MXD3: variants seen among roughly 807,000 people sequenced by gnomAD.
MXD3 encodes MAX dimerization protein 3.
A neutral mutation model predicts 27.5 loss-of-function variants in MXD3; 20 were observed. The ratio of observed to expected loss-of-function variants is 0.73; its 90% CI spans 0.51 to 1.06. The LOEUF (loss-of-function observed/expected upper bound fraction) is 1.06, where lower values mean the gene tolerates loss of function less well. Ranked by LOEUF, MXD3 falls within the 50% of genes least tolerant of loss-of-function variation. The pLI, the probability that MXD3 is intolerant of heterozygous loss-of-function variation, is 0.00. For synonymous variants in MXD3, 150 were observed against 130.7 expected, an observed-to-expected ratio of 1.15 and a Z score of -1.01; for missense variants, 298 against 291.3, an observed-to-expected ratio of 1.02 and a Z score of -0.17.
At chr5:177,312,308 C>A, upstream of MXD3, 1 of 986,522 alleles carries the variant, frequency 1.0e-6, no homozygotes, top group Non-Finnish European at 1.2e-6. Context: ...GGCCTCCGGC[C>A]GCCGCTCGCC....
chr5:177,308,125 G>A, intron 4 of MXD3, 161 bp from the exon 5 acceptor site: 1 of 656,512 alleles, frequency 1.5e-6, no homozygotes, highest in Non-Finnish European at 2.5e-6. Flanking sequence ...ACATCCTCCA[G>A]AAAGCCAGCC....
intron 1 of MXD3, 93 bp downstream of exon 1, chr5:177,311,668 G>T: frequency 7.3e-7 from 1 of 1,374,450 alleles, no homozygotes; most frequent in South Asian, 1.3e-5. Context: ...TACTGTCCTA[G>T]GGCGGTGCAT....
chr5:177,307,668 C>T lies in MXD3; in HGVS notation c.541G>A (p.Gly181Arg). The change falls in exon 6 of 6, where the codon GGG becomes AGG. Residue 181 changes from glycine to arginine, a missense_variant. Coordinates refer to ENST00000439742, the MANE Select transcript of MXD3 (RefSeq NM_031300.4). Reference sequence around the variant, plus strand: ...CCCCGCAGCAGCTCGGCCTCACCCCCAAACACCAGGCTCTCCACATCCACC... The same window carrying T: ...CCCCGCAGCAGCTCGGCCTCACCCCTAAACACCAGGCTCTCCACATCCACC... ...LEVDVESLVF[G>R]GEAELLRGFV... 1 of 1,613,690 alleles carries T rather than the reference C, an allele frequency of 6.2e-7. No individual in the cohort carries two copies. The highest frequency in any genetic ancestry group is 8.5e-7 in the Non-Finnish European group (1 of 1,179,936).
At chr5:177,308,754 A>T (rs1167081389) in intron 4 of MXD3, among the ~76,000 whole-genome samples, 1 of 152,146 alleles carries the variant, frequency 6.6e-6, no homozygotes, top group South Asian at 2.1e-4. Context: ...GCTAATTTAA[A>T]TTTTTAGAAA....
downstream of MXD3, chr5:177,306,752 G>C: frequency 9.5e-7 from 1 of 1,053,650 alleles, no homozygotes; most frequent in African/African-American, 1.6e-5. Context: ...AGCCAGGTCT[G>C]CTTATTCTCC....
intron 4 of MXD3, chr5:177,308,183 G>A: frequency 1.8e-6 from 1 of 559,970 alleles, no homozygotes; most frequent in Non-Finnish European, 3.2e-6. Context: ...CTAGATTGGG[G>A]GTGGGGGGGC....
downstream of MXD3, chr5:177,306,935 T>C: frequency 1.1e-6 from 1 of 886,178 alleles, no homozygotes; most frequent in Non-Finnish European, 1.7e-6. Flanking sequence ...ACTCAATAAA[T>C]ACTTGTTGAA....
chr5:177,307,625 T>C lies in MXD3; in HGVS notation c.584A>G (p.Glu195Gly). ...ELLRGFVAGQ[E>G]HSYSHGGGAW... ...GCCGCCGCCGTGCGAGTAGCTGTGC[T>C]CCTGGCCGGCGACGAAGCCCCGCAG... Residue 195 changes from glutamate to glycine, a missense_variant, in exon 6 of 6, where the codon GAG becomes GGG. Transcript: ENST00000439742. 6.2e-7 allele frequency: 1 copy of C among 1,613,242 alleles called. No homozygotes were observed. The highest frequency in any genetic ancestry group is 8.5e-7 in the Non-Finnish European group (1 of 1,179,944).
chr5:177,307,895 G>A lies in MXD3; in HGVS notation c.391C>T (p.Gln131Ter), dbSNP rs754997135. The A allele has an allele frequency of 1.2e-6, 2 of 1,603,818 alleles. No homozygotes were observed. Among genetic ancestry groups the A allele is most frequent in the African/African-American group, 1.3e-5 (1 of 74,724 alleles). Residue 131 changes from glutamine (Q) to a stop codon, truncating the protein, a stop_gained, in exon 5 of 6, where the codon CAG (glutamine) becomes TAG (stop). Coordinates refer to ENST00000439742, the MANE Select transcript of MXD3 (RefSeq NM_031300.4). LOFTEE classifies it high-confidence loss of function. ...CCCCGGAGCTGCTCCAGCTGCCGCTGCAGGCTCTGCTGCTTGCTGCGCAGC... is the reference window on the plus strand; with the variant it reads ...CCCCGGAGCTGCTCCAGCTGCCGCTACAGGCTCTGCTGCTTGCTGCGCAGC... Reference protein sequence around the residue: ...ERLRSKQQSLQRQLEQLRGLA... With the variant: ...ERLRSKQQSL
upstream of MXD3, chr5:177,312,453 G>C: frequency 1.0e-6 from 1 of 985,552 alleles, no homozygotes; most frequent in Non-Finnish European, 1.2e-6. Flanking sequence ...GGGAAAAGAA[G>C]CAGGTTTCAA....
chr5:177,305,946 G>A, downstream of MXD3: 1 of 1,614,170 alleles, frequency 6.2e-7, no homozygotes, highest in Non-Finnish European at 8.5e-7. Context: ...GGAAGCCTGG[G>A]TCTCCTCTAG....
rs570396051 is a variant in MXD3 at position 177,310,867 on chromosome 5, G to A, written c.177-170C>T. 14 of 730,024 alleles carry A rather than the reference G, an allele frequency of 1.9e-5. No homozygotes were observed. In the African/African-American group the frequency reaches 2.3e-4, roughly 12 times the overall value. The allele number at this position is 730,024 out of a possible 1,614,324, so 45.2% of individuals were successfully genotyped here. On this transcript the variant is annotated intron_variant, in intron 2 of 5. Coordinates refer to ENST00000439742, the MANE Select transcript of MXD3 (RefSeq NM_031300.4). Reference sequence around the variant, plus strand: ...AGAGTCCCCTGGCAGGGCGAGGGGAGTCAAAGACACACGGAGCCAAATGCT... The same window carrying A: ...AGAGTCCCCTGGCAGGGCGAGGGGAATCAAAGACACACGGAGCCAAATGCT...
chr5:177,311,619 C>T (rs1761042081), intron 1 of MXD3, 135 bp from the exon 2 acceptor site: 2 of 1,142,352 alleles, frequency 1.8e-6, no homozygotes, highest in Non-Finnish European at 2.4e-6. Context: ...TCTACCGCCC[C>T]GGGACTCCTC....
In MXD3 at chr5:177,307,721, C is replaced by A. The variant is rs975612485; in HGVS notation, c.506-18G>T. The stretch of plus-strand genomic sequence containing the variant: ...CAGCTCCTCTGCGCGGGGAGGGGTC[C>A]GGTCAGAAGACCTGGCTCGCCCCGA... On this transcript the variant is annotated intron_variant, in intron 5 of 5. Coordinates refer to ENST00000439742, the MANE Select transcript of MXD3 (RefSeq NM_031300.4). The A allele has an allele frequency of 1.2e-6, 2 of 1,613,600 alleles. No homozygotes were observed. The highest frequency in any genetic ancestry group is 1.7e-6 in the Non-Finnish European group (2 of 1,179,926).
Position 177,311,417 on chromosome 5 carries a change from C to T in MXD3, c.138G>A (p.Lys46=). 2.1e-6 allele frequency: 3 copies of T among 1,439,344 alleles called. No homozygotes were observed. Among genetic ancestry groups the T allele is most frequent in the Non-Finnish European group, 2.7e-6 (3 of 1,102,666 alleles). The allele number at this position is 1,439,344 out of a possible 1,614,324, so 89.2% of individuals were successfully genotyped here. The change falls in exon 2 of 6, where the codon AAG becomes AAA. Residue 46 remains lysine, a synonymous_variant. Transcript: ENST00000439742. ...RSPGPIHRRK[K]RPPQAPGAQD... is the part of the protein sequence containing the mutation. ...GCGCGCCAGGAGCCTGGGGGGGTCGCTTCTTCCTCCTGTGGATGGGGCCTG... is the reference window on the plus strand; with the variant it reads ...GCGCGCCAGGAGCCTGGGGGGGTCGTTTCTTCCTCCTGTGGATGGGGCCTG...
chr5:177,306,313 C>T, downstream of MXD3: 1 of 1,582,250 alleles, frequency 6.3e-7, no homozygotes, highest in East Asian at 2.3e-5. Context: ...AGGGTGAATA[C>T]CACCTTTTTA....
At position 177,311,467 on chromosome 5, in the gene MXD3, C is replaced by A; in HGVS notation, c.88G>T (p.Ala30Ser). Reference protein sequence around the residue: ...RREREAEHGYASLCPHRSPGP... With the variant: ...RREREAEHGYSSLCPHRSPGP... ...GGACTGCGATGCGGGCACAGGGACG[C>A]ATAACCATGCTCGGCCTCTGCCAGA... Residue 30 changes from alanine (A) to serine (S), a missense_variant, in exon 2 of 6, where the codon GCG (alanine) becomes TCG (serine). By Grantham distance (99) the Ala-to-Ser change is moderately conservative. Transcript: ENST00000439742. 7.0e-7 allele frequency: 1 copy of A among 1,433,344 alleles called. No individual in the cohort carries two copies. Among genetic ancestry groups the A allele is most frequent in the Non-Finnish European group, 9.1e-7 (1 of 1,095,600 alleles). 88.8% of individuals were successfully genotyped at this position (1,433,344 alleles called of 1,614,324 possible).
downstream of MXD3, chr5:177,306,416 C>T (rs1487451630): frequency 2.5e-6 from 4 of 1,613,758 alleles, no homozygotes; most frequent in East Asian, 2.2e-5. Context: ...CTGCCGTTCG[C>T]GACAGGCGAG....
At chr5:177,308,037 G>A (rs1234612107) in intron 4 of MXD3, 73 bp from the exon 5 acceptor site, 2 of 1,376,518 alleles carry the variant, frequency 1.5e-6, no homozygotes, top group Non-Finnish European at 1.9e-6. Context: ...GCACCACTCA[G>A]TACCGGGCCA....
Sources: allele counts gnomAD v4.1 joint callset (sites outside exome capture counted in the v4.1 genomes callset), GRCh38; gene constraint gnomAD v4.1.1; transcripts MANE v1.5; gene names NCBI Gene and HGNC (gene_info 2026-07-23, HGNC 2026-07-21).